The following ANTXR1 variants were observed in gnomAD, a reference collection of about 807,000 sequenced individuals.
ANTXR1 encodes the protein ANTXR cell adhesion molecule 1, also known as anthrax toxin receptor 1.
In ANTXR1, 19 loss-of-function variants were observed where a neutral mutation model predicts 78.1. That is an observed-to-expected ratio of 0.24 (90% confidence interval 0.17 to 0.36). The LOEUF is 0.36. ANTXR1 is among the 10% of genes least tolerant of loss of function. The pLI, the probability that ANTXR1 is intolerant of heterozygous loss-of-function variation, is 1.00. For missense variants in ANTXR1, 518 were observed against 718.6 expected, an observed-to-expected ratio of 0.72 and a Z score of 3.19; for synonymous variants, 273 against 260.5, an observed-to-expected ratio of 1.05 and a Z score of -0.46.
chr2:69,152,443 G>A (rs752182335), intron 13 of ANTXR1, among the ~76,000 whole-genome samples, 179 bp downstream of exon 13: 2 of 152,248 alleles, frequency 1.3e-5, no homozygotes, highest in South Asian at 4.1e-4. Context: ...TGAGTCACCA[G>A]CAGTCAGTAT....
At chr2:69,086,230 C>T (rs1385514907) in intron 8 of ANTXR1, among the ~76,000 whole-genome samples, 1 of 152,238 alleles carries the variant, frequency 6.6e-6, no homozygotes, top group African/African-American at 2.4e-5. Context: ...TTCCTTATAA[C>T]TCTGTGCAGA....
rs983388781 is a variant in ANTXR1 at position 69,122,936 on chromosome 2, G to A, written c.803-81G>A. The A allele has an allele frequency of 5.4e-6, 8 of 1,468,008 alleles. No individual in the cohort carries two copies. In the Admixed American group the frequency reaches 1.3e-4, roughly 25 times the overall value. 90.9% of individuals were successfully genotyped at this position (1,468,008 alleles called of 1,614,324 possible). On this transcript the variant is annotated intron_variant, in intron 10 of 17. Coordinates refer to ENST00000303714, the MANE Select transcript of ANTXR1 (RefSeq NM_032208.3). ...TTTTTTTGGTATCTCCCTGGACTTG[G>A]TTGATGTTCTCTAGAAGTCATTGAA... is the stretch of plus-strand genomic sequence containing the variant.
intron 3 of ANTXR1, among the ~76,000 whole-genome samples, chr2:69,061,318 A>G (rs1670237024): frequency 6.6e-6 from 1 of 152,196 alleles, no homozygotes; most frequent in Admixed American, 6.5e-5. Context: ...AGGCACAGAG[A>G]AATTATAGAG....
At chr2:69,072,028 C>A (rs935113940) in intron 5 of ANTXR1, among the ~76,000 whole-genome samples, 4 of 152,150 alleles carry the variant, frequency 2.6e-5, no homozygotes, top group African/African-American at 9.7e-5. Flanking sequence ...CCATTTTGGC[C>A]ACAGTCTAAT....
Position 69,202,055 on chromosome 2 carries a change from G to A in ANTXR1, c.1434+8640G>A, listed in dbSNP as rs374377220. 1.8e-4 allele frequency among the ~76,000 whole-genome samples: 27 copies of A among 152,290 alleles called. 1 individual carries two copies. The highest frequency in any genetic ancestry group is 6.0e-4 in the African/African-American group (25 of 41,554). The stretch of plus-strand genomic sequence containing the variant: ...TTTGCTCCAGTGAGAGTTTTGGGCT[G>A]CAGGCAAAGATCTGAGAGTCATTGG... On this transcript the variant is annotated intron_variant, in intron 17 of 17. Transcript: ENST00000303714.
chr2:69,145,488 G>C (rs969688427), intron 12 of ANTXR1: 1 of 1,505,588 alleles, frequency 6.6e-7, no homozygotes, highest in Non-Finnish European at 8.9e-7. Context: ...GGAGGGCAGA[G>C]ACAGGCCTGG....
At chr2:69,139,864 AATGAAAATG>A (rs1406888771) in intron 12 of ANTXR1, among the ~76,000 whole-genome samples, 2 of 152,324 alleles carry the variant, frequency 1.3e-5, no homozygotes, top group East Asian at 3.9e-4. Context: ...TAAAACAAAA[AATGAAAATG>A]AGACACCAGC....
intron 10 of ANTXR1, among the ~76,000 whole-genome samples, chr2:69,104,260 G>A (rs1558551158): frequency 6.6e-6 from 1 of 152,026 alleles, no homozygotes; most frequent in Non-Finnish European, 1.5e-5. Context: ...TTTGAAGGAG[G>A]TTATCTTGTT....
At chr2:69,193,203 T>A (rs1279453240) in intron 16 of ANTXR1, 132 bp from the exon 17 acceptor site, 1 of 766,110 alleles carries the variant, frequency 1.3e-6, no homozygotes, top group Admixed American at 1.8e-5. Flanking sequence ...GAGTCACTAA[T>A]CCCATCATGA....
intron 17 of ANTXR1, among the ~76,000 whole-genome samples, chr2:69,229,499 G>A (rs571665762): frequency 2.0e-5 from 3 of 152,124 alleles, no homozygotes; most frequent in East Asian, 3.9e-4. Context: ...AATCTTAGTC[G>A]GTTTATCTTC....
At chr2:69,054,996 TTTTC>T (rs1019978866) in intron 3 of ANTXR1, among the ~76,000 whole-genome samples, 28 of 152,102 alleles carry the variant, frequency 1.8e-4, no homozygotes, top group Admixed American at 3.3e-4. Context: ...TGTGCCTCAG[TTTTC>T]TTATCTATAA....
intron 17 of ANTXR1, among the ~76,000 whole-genome samples, chr2:69,232,738 CA>C (rs1292394739): frequency 6.6e-6 from 1 of 151,826 alleles, no homozygotes; most frequent in Non-Finnish European, 1.5e-5. Flanking sequence ...TAATATGAAA[CA>C]AATCTACAGA....
chr2:69,056,477 AG>A (rs1670070073), intron 3 of ANTXR1, among the ~76,000 whole-genome samples: 1 of 152,102 alleles, frequency 6.6e-6, no homozygotes, highest in Non-Finnish European at 1.5e-5. Flanking sequence ...GAAAAAAAAA[AG>A]GTTAATGAAC....
chr2:69,154,359 G>A (rs1673472032), intron 13 of ANTXR1, among the ~76,000 whole-genome samples: 2 of 152,286 alleles, frequency 1.3e-5, no homozygotes, highest in African/African-American at 4.8e-5. Context: ...TCTGAAAGCT[G>A]GCTTGGGCTC....
In ANTXR1 at chr2:69,123,143, C is replaced by A. The variant is rs1011868546; in HGVS notation, c.872+57C>A. 5.2e-6 allele frequency: 8 copies of A among 1,552,274 alleles called. 1 individual carries two copies. The East Asian group carries it at 6.7e-5, about 13-fold the overall frequency. ...CCAGGGAAGAGAGAGAGGAGGTGTA[C>A]GGGGACAGGGGAAAAGAAAGCATCT... On this transcript the variant is annotated intron_variant, in intron 11 of 17. Coordinates refer to ENST00000303714, the MANE Select transcript of ANTXR1 (RefSeq NM_032208.3).
At chr2:69,094,521 A>G (rs1418474370) in intron 9 of ANTXR1, among the ~76,000 whole-genome samples, 1 of 152,222 alleles carries the variant, frequency 6.6e-6, no homozygotes, top group Non-Finnish European at 1.5e-5. Flanking sequence ...GCCTTCATCG[A>G]AAACCTTTCC....
At chr2:69,149,817 A>T (rs1260848724) in intron 12 of ANTXR1, among the ~76,000 whole-genome samples, 2 of 152,232 alleles carry the variant, frequency 1.3e-5, no homozygotes, top group Admixed American at 1.3e-4. Flanking sequence ...CTGAGAGATT[A>T]AGAGGGTTGT....
chr2:69,247,841 A>G lies in ANTXR1; in HGVS notation c.*2356A>G, dbSNP rs968768819. ...TGGTGAGCATCAGTGCAAATGCACC[A>G]TTCAGCACATCAGTCATATGCCCAG... On this transcript the variant is annotated 3_prime_UTR_variant, in exon 18 of 18. Transcript: ENST00000303714. 1.3e-5 allele frequency: 2 copies of G among 152,296 alleles called. No homozygotes were observed. The highest frequency in any genetic ancestry group is 2.4e-5 in the African/African-American group (1 of 41,476). The allele number at this position is 152,296 out of a possible 1,614,324, so 9.4% of individuals were successfully genotyped here. A position where few individuals can be genotyped will look rare whatever the true frequency, so the allele number is the denominator to read the frequency against.
At chr2:69,077,131 T>A (rs1670757255) in intron 7 of ANTXR1, 1 of 517,156 alleles carries the variant, frequency 1.9e-6, no homozygotes, top group African/African-American at 1.9e-5. Flanking sequence ...AGGCCAAGCG[T>A]TCATCAAGCT....
Sources: gnomAD v4.1 joint callset for allele counts (sites outside exome capture counted in the v4.1 genomes callset) on GRCh38, gnomAD v4.1.1 for gene constraint, MANE v1.5 for transcripts, NCBI Gene and HGNC (gene_info 2026-07-23, HGNC 2026-07-21) for gene names.